The following UPF2 variants were observed in gnomAD, a reference collection of about 807,000 sequenced individuals.
UPF2 encodes UPF2 regulator of nonsense mediated mRNA decay, also known as regulator of nonsense transcripts 2.
Under a neutral mutation model 141.4 loss-of-function variants are expected in UPF2, and 17 were observed. The ratio of observed to expected loss-of-function variants is 0.12; its 90% CI spans 0.08 to 0.18. UPF2 has a LOEUF of 0.18. UPF2 is among the 10% of genes least tolerant of loss of function. UPF2 has a pLI of 1.00. For missense variants in UPF2, 1,152 were observed against 1,515.9 expected, an observed-to-expected ratio of 0.76 and a Z score of 3.99; for synonymous variants, 540 against 498.0, an observed-to-expected ratio of 1.08 and a Z score of -1.12.
At position 12,042,506 on chromosome 10, in the gene UPF2, A is replaced by G. The variant is rs1053700600; in HGVS notation, c.-19+249T>C. Among the ~76,000 whole-genome samples, 1 of 151,426 alleles carries G rather than the reference A, an allele frequency of 6.6e-6. No homozygotes were observed. Among genetic ancestry groups the G allele is most frequent in the Non-Finnish European group, 1.5e-5 (1 of 67,878 alleles). ...CCCGGCCCAGGCATGTGGGGCAGGC[A>G]CCTCCTCCACCGCCCCCCAAGCATG... On this transcript the variant is annotated intron_variant, in intron 1 of 21. Coordinates refer to ENST00000357604, the MANE Select transcript of UPF2 (RefSeq NM_015542.4). The surrounding 1 kb of genome is among the most constrained non-coding windows in gnomAD (Gnocchi z 5.5).
At chr10:11,995,513 G>A (rs1021424158) in intron 8 of UPF2, among the ~76,000 whole-genome samples, 10 of 152,106 alleles carry the variant, frequency 6.6e-5, no homozygotes, top group Admixed American at 2.6e-4. Flanking sequence ...TGGCTGGCGC[G>A]GTGGCTCACA....
At chr10:11,994,732 T>A (rs537392355) in intron 8 of UPF2, among the ~76,000 whole-genome samples, 1 of 152,122 alleles carries the variant, frequency 6.6e-6, no homozygotes, top group South Asian at 2.1e-4. Flanking sequence ...ATCCCAGCAC[T>A]TTGGGAGGCC....
intron 19 of UPF2, among the ~76,000 whole-genome samples, chr10:11,934,831 G>A (rs748930069): frequency 9.2e-5 from 14 of 152,066 alleles, no homozygotes; most frequent in Middle Eastern, 3.2e-3. Context: ...CTTGTGATCC[G>A]CCCGCCTTGG....
rs1471361020 is a variant in UPF2, at chr10:11,955,478, G to C, written c.2604C>G (p.Arg868=). Residue 868 remains arginine (R), a synonymous_variant, in exon 14 of 22, where the codon CGC becomes CGG. Coordinates refer to ENST00000357604, the MANE Select transcript of UPF2 (RefSeq NM_015542.4). ...CTCCTAAGAACTTGGCACTGCTGAT[G>C]CGCCTCTGATTAAATTTAGGTTGAT... ...EVNQPKFNQR[R]ISSAKFLGEL... 1.9e-6 allele frequency: 3 copies of C among 1,613,128 alleles called. No homozygotes were observed. In the Middle Eastern group the frequency reaches 5.0e-4, roughly 267 times the overall value.
intron 8 of UPF2, among the ~76,000 whole-genome samples, chr10:11,988,895 T>C (rs1266827504): frequency 2.0e-5 from 3 of 152,072 alleles, no homozygotes; most frequent in Non-Finnish European, 4.4e-5. Flanking sequence ...ATATATGGGG[T>C]CTGGAAGAAT....
At chr10:12,026,889 A>G (rs1834429145) in intron 3 of UPF2, among the ~76,000 whole-genome samples, 1 of 152,094 alleles carries the variant, frequency 6.6e-6, no homozygotes. Context: ...CTGACCTCAG[A>G]TGATCCACCC....
rs1399428625 is a variant in UPF2 at position 11,992,020 on chromosome 10, C to G, written c.1844+5652G>C. Among the ~76,000 whole-genome samples the G allele has an allele frequency of 6.7e-6, 1 of 149,980 alleles. No individual in the cohort carries two copies. The highest frequency in any genetic ancestry group is 2.4e-5 in the African/African-American group (1 of 41,034). On this transcript the variant is annotated intron_variant, in intron 8 of 21. Coordinates refer to ENST00000357604, the MANE Select transcript of UPF2 (RefSeq NM_015542.4). The surrounding 1 kb of genome is among the most constrained non-coding windows in gnomAD (Gnocchi z 4.1). Reference sequence around the variant, plus strand: ...AATTAGCTGGGCGTGGTGGCGGGCGCCTGTAATCCCAGCTACTCAGGAGCC... The same window carrying G: ...AATTAGCTGGGCGTGGTGGCGGGCGGCTGTAATCCCAGCTACTCAGGAGCC...
chr10:11,966,414 C>T (rs1316592147), intron 10 of UPF2, among the ~76,000 whole-genome samples: 1 of 148,638 alleles, frequency 6.7e-6, no homozygotes, highest in East Asian at 1.9e-4. Context: ...CATTACAAAC[C>T]AGCCTTATTT....
chr10:12,029,362 C>T lies in UPF2; in HGVS notation c.528G>A (p.Lys176=), dbSNP rs760782900. The change falls in exon 3 of 22, where the codon AAG becomes AAA. Residue 176 remains lysine, a synonymous_variant. Coordinates refer to ENST00000357604, the MANE Select transcript of UPF2 (RefSeq NM_015542.4). The part of the protein sequence containing the change: ...SSLKKNTAFV[K]KLKTITEQQR... ...GTTGTTCTGTAATAGTTTTTAGTTT[C>T]TTGACAAAAGCAGTATTTTTCTTCA... 1.9e-6 allele frequency: 3 copies of T among 1,614,166 alleles called. No homozygotes were observed. Among genetic ancestry groups the T allele is most frequent in the Non-Finnish European group, 1.7e-6 (2 of 1,180,028 alleles).
At chr10:12,040,699 G>A (rs763085493) in intron 1 of UPF2, among the ~76,000 whole-genome samples, 2 of 152,154 alleles carry the variant, frequency 1.3e-5, no homozygotes, top group Non-Finnish European at 2.9e-5. Flanking sequence ...TTTTAAATCT[G>A]CATCCCAACT....
chr10:11,956,590 A>G lies in UPF2; in HGVS notation c.2371-67T>C. 6.8e-7 allele frequency: 1 copy of G among 1,466,832 alleles called. No homozygotes were observed. The highest frequency in any genetic ancestry group is 9.3e-7 in the Non-Finnish European group (1 of 1,073,492). The allele number at this position is 1,466,832 out of a possible 1,614,324, so 90.9% of individuals were successfully genotyped here. On this transcript the variant is annotated intron_variant, in intron 12 of 21. Coordinates refer to ENST00000357604, the MANE Select transcript of UPF2 (RefSeq NM_015542.4). This position sits in a 1 kb window ranked among gnomAD's most constrained non-coding sequence, Gnocchi z 4.2. ...ACAGTAGCCTGACCAAATAATACAG[A>G]AATTTTGCTATGATTGCGCAGAGAA...
chr10:11,923,543 T>A (rs1431758914), intron 21 of UPF2, among the ~76,000 whole-genome samples: 4 of 151,766 alleles, frequency 2.6e-5, no homozygotes, highest in African/African-American at 9.7e-5. Flanking sequence ...TAGCCAGGTG[T>A]GGTGGCAGGT....
At chr10:12,009,584 AAAT>A (rs1439760597) in intron 4 of UPF2, among the ~76,000 whole-genome samples, 4 of 152,222 alleles carry the variant, frequency 2.6e-5, no homozygotes, top group African/African-American at 9.6e-5. Context: ...CAGTATAGGA[AAAT>A]AATCCCTGAT....
intron 9 of UPF2, among the ~76,000 whole-genome samples, chr10:11,969,447 G>A (rs946541935): frequency 6.6e-6 from 1 of 152,110 alleles, no homozygotes; most frequent in African/African-American, 2.4e-5. Context: ...GGGATTATAA[G>A]GTGTGAGACA....
chr10:11,982,036 TAAAA>T (rs34301046), intron 8 of UPF2, among the ~76,000 whole-genome samples: 2 of 148,774 alleles, frequency 1.3e-5, no homozygotes, highest in African/African-American at 4.9e-5. Flanking sequence ...TTCCTACTAT[TAAAA>T]AAAAAAAAGC....
chr10:12,004,339 T>C (rs1429292651), intron 5 of UPF2, among the ~76,000 whole-genome samples, 191 bp downstream of exon 5: 3 of 152,240 alleles, frequency 2.0e-5, no homozygotes, highest in Non-Finnish European at 4.4e-5. Flanking sequence ...ATCAGCACTG[T>C]TAAAAGTATG....
At chr10:12,036,308 A>C (rs1165485393) in intron 1 of UPF2, among the ~76,000 whole-genome samples, 2 of 152,250 alleles carry the variant, frequency 1.3e-5, no homozygotes, top group Admixed American at 6.5e-5. Flanking sequence ...TGACAACCAA[A>C]TATAACTCCA....
chr10:12,028,940 T>C lies in UPF2; in HGVS notation c.950A>G (p.Asp317Gly). 1 of 1,614,130 alleles carries C rather than the reference T, an allele frequency of 6.2e-7. No homozygotes were observed. The highest frequency in any genetic ancestry group is 8.5e-7 in the Non-Finnish European group (1 of 1,180,030). Residue 317 changes from aspartate (D) to glycine (G), a missense_variant, in exon 3 of 22, where the codon GAT (aspartate) becomes GGT (glycine). By Grantham distance (94) the Asp-to-Gly change is moderately conservative (BLOSUM62 -1). Coordinates refer to ENST00000357604, the MANE Select transcript of UPF2 (RefSeq NM_015542.4). ...VVISFCRHCGDDIAGLVPRKV... is the reference protein window; with the variant it reads ...VVISFCRHCGGDIAGLVPRKV... ...CCTTGGTACAAGTCCAGCAATATCA[T>C]CTCCACAATGTCGACAGAAACTAAT... is the stretch of plus-strand genomic sequence containing the variant.
In UPF2 at chr10:12,000,015, G is replaced by A; in HGVS notation, c.1655-6C>T. 3 of 1,580,390 alleles carry A rather than the reference G, an allele frequency of 1.9e-6. No individual in the cohort carries two copies. The highest frequency in any genetic ancestry group is 2.6e-6 in the Non-Finnish European group (3 of 1,166,272). ...GGCTTCCTCATCTTCTTGTTCTAAT[G>A]TAAAATTAGTTTTTAAATAGGTTAA... On this transcript the variant is annotated splice_region_variant and splice_polypyrimidine_tract_variant and intron_variant, in intron 6 of 21. Transcript: ENST00000357604.
Sources: gnomAD v4.1 joint callset for allele counts (sites outside exome capture counted in the v4.1 genomes callset) on GRCh38, gnomAD v4.1.1 for gene constraint, Gnocchi (gnomAD v3.1) non-coding constraint, MANE v1.5 for transcripts, NCBI Gene and HGNC (gene_info 2026-07-23, HGNC 2026-07-21) for gene names.